CIZ1: variants seen among roughly 807,000 people sequenced by gnomAD.
CIZ1 encodes the protein CDKN1A interacting zinc finger protein 1, also known as cip1-interacting zinc finger protein.
Under a neutral mutation model 118.6 loss-of-function variants are expected in CIZ1, and 58 were observed. The observed-to-expected ratio is 0.49, with a 90% confidence interval of 0.40 to 0.61. The LOEUF (loss-of-function observed/expected upper bound fraction) is 0.61. Among genes scored for constraint, CIZ1 ranks in the 20% least tolerant of loss-of-function variants. The probability of loss-of-function intolerance (pLI) is 0.00; values close to 1 mark genes in which losing one functional copy is unlikely to be tolerated. For synonymous variants in CIZ1, 448 were observed against 443.4 expected (o/e 1.01, Z -0.13); for missense variants, 921 against 1,115.9 (o/e 0.83, Z 2.49).
At position 128,166,628 on chromosome 9, in the gene CIZ1, C is replaced by T. The variant is rs1218825644; in HGVS notation, c.2487+131G>A. The T allele has an allele frequency of 2.2e-5, 27 of 1,232,072 alleles. No homozygotes were observed. The Admixed American group carries it at 5.1e-4, about 23-fold the overall frequency. 76.3% of individuals were successfully genotyped at this position (1,232,072 alleles called of 1,614,324 possible). A position where few individuals can be genotyped will look rare whatever the true frequency, so the allele number is the denominator to read the frequency against. ...CCCCACCCCAGCTCTAATTCTCTCC[C>T]TGTTGGTGCAGGGGTGGTGCCTGGG... On this transcript the variant is annotated intron_variant, in intron 16 of 16. Coordinates refer to ENST00000372938, the MANE Select transcript of CIZ1 (RefSeq NM_001131016.2). The surrounding 1 kb of genome is among the most constrained non-coding windows in gnomAD (Gnocchi z 4.4).
chr9:128,198,640 T>C (rs1833434986), intron 1 of CIZ1, among the ~76,000 whole-genome samples: 1 of 151,796 alleles, frequency 6.6e-6, no homozygotes, highest in Admixed American at 6.6e-5. Context: ...GACACCATCC[T>C]GACCAGCATG....
chr9:128,171,874 G>A (rs1830165196), intron 11 of CIZ1, among the ~76,000 whole-genome samples: 1 of 151,802 alleles, frequency 6.6e-6, no homozygotes, highest in Admixed American at 6.6e-5. Context: ...TGATAGATCC[G>A]ATTGCATAAA....
chr9:128,169,360 C>T (rs1829845782), intron 13 of CIZ1, 46 bp downstream of exon 13: 2 of 1,548,966 alleles, frequency 1.3e-6, no homozygotes, highest in South Asian at 1.1e-5. Context: ...TTGGCCAAGG[C>T]TCTGTACCTC....
intron 5 of CIZ1, among the ~76,000 whole-genome samples, chr9:128,184,226 C>T (rs954456966): frequency 6.6e-6 from 1 of 152,174 alleles, no homozygotes; most frequent in African/African-American, 2.4e-5. Flanking sequence ...CAGGAGAGCA[C>T]CTGAAACTGG....
rs1564299103 is a variant in CIZ1 at position 128,190,313 on chromosome 9, C to G, written c.286+16G>C. 4 of 1,580,198 alleles carry G rather than the reference C, an allele frequency of 2.5e-6. No individual in the cohort carries two copies. The highest frequency in any genetic ancestry group is 2.2e-5 in the East Asian group (1 of 44,632). ...CCACTAAAAGAGACTGAGAAGAGGCCTGGGGCCATCCATACCTTGCAACTG... is the reference window on the plus strand; with the variant it reads ...CCACTAAAAGAGACTGAGAAGAGGCGTGGGGCCATCCATACCTTGCAACTG... On this transcript the variant is annotated intron_variant, in intron 3 of 16. Transcript: ENST00000372938.
At chr9:128,173,204 G>A (rs1251825225) in intron 11 of CIZ1, among the ~76,000 whole-genome samples, 1 of 149,164 alleles carries the variant, frequency 6.7e-6, no homozygotes, top group Non-Finnish European at 1.5e-5. Flanking sequence ...GAGTGCAGTG[G>A]CGCGATCTTG....
At chr9:128,170,746 G>A (rs1375779633) in intron 11 of CIZ1, among the ~76,000 whole-genome samples, 1 of 152,230 alleles carries the variant, frequency 6.6e-6, no homozygotes, top group Non-Finnish European at 1.5e-5. Flanking sequence ...TCTACTTGGA[G>A]AAGAAACGCC....
At chr9:128,198,928 T>C (rs1833443596) in intron 1 of CIZ1, among the ~76,000 whole-genome samples, 1 of 151,972 alleles carries the variant, frequency 6.6e-6, no homozygotes, top group Non-Finnish European at 1.5e-5. Flanking sequence ...GCTGGCATAG[T>C]GTAGGATGTA....
intron 4 of CIZ1, among the ~76,000 whole-genome samples, chr9:128,187,424 C>T (rs1832518715): frequency 6.6e-6 from 1 of 152,192 alleles, no homozygotes; most frequent in Non-Finnish European, 1.5e-5. Flanking sequence ...AATCCAGACT[C>T]TACAGTGCAA....
rs1340646001 is a variant in CIZ1 at position 128,183,606 on chromosome 9, TCTC to T, written c.588+1938_588+1940del. Among the ~76,000 whole-genome samples the T allele has an allele frequency of 3.3e-5, 5 of 152,230 alleles. No individual in the cohort carries two copies. The East Asian group carries it at 5.8e-4, about 18-fold the overall frequency. The stretch of plus-strand genomic sequence containing the variant: ...AGGGAGGGGGTGAGCCCTTTGCAGA[TCTC>T]CTGCTTATGCCAGGAGAAAGGTAAA... On this transcript the variant is annotated intron_variant, in intron 5 of 16. Transcript: ENST00000372938.
upstream of CIZ1, chr9:128,191,901 G>A: frequency 6.9e-7 from 1 of 1,444,766 alleles, no homozygotes; most frequent in South Asian, 1.3e-5. The surrounding 1 kb of genome is among the most constrained non-coding windows in gnomAD (Gnocchi z 5.5). Flanking sequence ...CCCGCGCGGG[G>A]CTGCGGTGAG....
At chr9:128,168,668 T>C (rs1215997522) in intron 14 of CIZ1, 3 of 201,372 alleles carry the variant, frequency 1.5e-5, no homozygotes, top group Non-Finnish European at 3.1e-5. Flanking sequence ...GCCAGGATAG[T>C]GCTTGGTACA....
At position 128,179,391 on chromosome 9, in the gene CIZ1, T is replaced by C; in HGVS notation, c.816A>G (p.Glu272=). The change falls in exon 8 of 17, where the codon GAA becomes GAG. Residue 272 remains glutamate (E), a synonymous_variant. Transcript: ENST00000372938. ...CCTTCACCTGTAACTGCCCTGGAGG[T>C]TCCTTCTCTGTGGGCTCTTCTGAGC... ...LRSSEEPTEK[E]PPGQLQVKAQ... The C allele has an allele frequency of 6.2e-7, 1 of 1,605,554 alleles. No homozygotes were observed. The highest frequency in any genetic ancestry group is 1.1e-5 in the South Asian group (1 of 90,204).
At chr9:128,178,578 G>A (rs760348964) in intron 8 of CIZ1, 88 bp from the exon 9 acceptor site, 2 of 1,601,774 alleles carry the variant, frequency 1.2e-6, no homozygotes, top group Non-Finnish European at 8.5e-7. Flanking sequence ...GAGGCCCCCA[G>A]CATGGATGGC....
intron 14 of CIZ1, 191 bp downstream of exon 14, chr9:128,168,861 T>G (rs1039710551): frequency 6.1e-6 from 5 of 814,410 alleles, no homozygotes; most frequent in Non-Finnish European, 7.6e-6. Flanking sequence ...TTTGCATATT[T>G]TAACTGCCAC....
intron 13 of CIZ1, 61 bp from the exon 14 acceptor site, chr9:128,169,262 A>ATCC: frequency 8.4e-7 from 1 of 1,185,922 alleles, no homozygotes; most frequent in Non-Finnish European, 1.2e-6. Context: ...GCCATGCCCT[A>ATCC]CCCACCCCAC....
At chr9:128,180,275 C>T (rs939282777) in intron 7 of CIZ1, 140 bp downstream of exon 7, 18 of 642,412 alleles carry the variant, frequency 2.8e-5, no homozygotes, top group African/African-American at 2.2e-4. Context: ...GTAAGGCCTT[C>T]CTCCAAATCA....
At chr9:128,198,695 G>T (rs1277038461) in intron 1 of CIZ1, among the ~76,000 whole-genome samples, 1 of 152,106 alleles carries the variant, frequency 6.6e-6, no homozygotes, top group Non-Finnish European at 1.5e-5. Context: ...AGTCAGGTGT[G>T]GTGGTGAGTG....
upstream of CIZ1, among the ~76,000 whole-genome samples, chr9:128,196,286 A>G (rs1408573943): frequency 6.6e-6 from 1 of 152,146 alleles, no homozygotes; most frequent in Non-Finnish European, 1.5e-5. Flanking sequence ...TGTGACTCAC[A>G]CCTATAATCC....
Sources: allele counts gnomAD v4.1 joint callset (sites outside exome capture counted in the v4.1 genomes callset), GRCh38; gene constraint gnomAD v4.1.1; non-coding constraint Gnocchi (gnomAD v3.1); transcripts MANE v1.5; gene names NCBI Gene and HGNC (gene_info 2026-07-23, HGNC 2026-07-21).